The following RBFOX1 variants were observed in gnomAD, a reference collection of about 807,000 sequenced individuals.
RBFOX1 encodes RNA binding protein fox-1 homolog 1.
In RBFOX1, 8 loss-of-function variants were observed where a neutral mutation model predicts 57.7. The ratio of observed to expected loss-of-function variants is 0.14; its 90% CI spans 0.08 to 0.25. The LOEUF (loss-of-function observed/expected upper bound fraction) is 0.25, where lower values mean the gene tolerates loss of function less well. Among genes scored for constraint, RBFOX1 ranks in the 10% least tolerant of loss-of-function variants. The pLI is 1.00. For synonymous variants in RBFOX1, 326 were observed against 222.4 expected, an observed-to-expected ratio of 1.47 and a Z score of -4.15; for missense variants, 611 against 548.5, an observed-to-expected ratio of 1.11 and a Z score of -1.14.
chr16:7,260,720 G>A (rs538641083), intron 4 of RBFOX1, among the ~76,000 whole-genome samples: 6 of 152,210 alleles, frequency 3.9e-5, no homozygotes, highest in African/African-American at 1.2e-4. Context: ...CAATCCTGAA[G>A]GAGTCCAAAG....
chr16:6,045,605 A>G lies in RBFOX1; in HGVS notation c.-127+25613A>G, dbSNP rs117181520. 9.7e-3 allele frequency among the ~76,000 whole-genome samples: 1,480 copies of G among 152,336 alleles called. 9 individuals carry two copies. Among genetic ancestry groups the G allele is most frequent in the Non-Finnish European group, 0.015 (1,016 of 68,032 alleles). ...TCTTTTCGGTGCTGAGAATAAATCA[A>G]TGACAAAGATAAATGAGGTTCTTGA... On this transcript the variant is annotated intron_variant, in intron 1 of 15. Coordinates refer to ENST00000550418, the MANE Select transcript of RBFOX1 (RefSeq NM_018723.4).
chr16:6,868,561 T>C (rs1567637731), intron 3 of RBFOX1, among the ~76,000 whole-genome samples: 1 of 152,222 alleles, frequency 6.6e-6, no homozygotes, highest in Non-Finnish European at 1.5e-5. Flanking sequence ...AACCTCTGCT[T>C]CCTGGGTTCA....
intron 3 of RBFOX1, among the ~76,000 whole-genome samples, chr16:6,972,267 C>A (rs142691502): frequency 6.6e-6 from 1 of 152,052 alleles, no homozygotes; most frequent in African/African-American, 2.4e-5. Context: ...CTCTCCCCAG[C>A]CCCTGGTAAC....
intron 4 of RBFOX1, among the ~76,000 whole-genome samples, chr16:5,970,474 A>C (rs977618894): frequency 1.2e-4 from 19 of 152,274 alleles, no homozygotes; most frequent in African/African-American, 4.3e-4. Flanking sequence ...TCTGCTACAC[A>C]TAAGGAACAT....
intron 3 of RBFOX1, among the ~76,000 whole-genome samples, chr16:5,859,932 C>G (rs1366533919): frequency 2.0e-5 from 3 of 152,162 alleles, no homozygotes; most frequent in Admixed American, 6.5e-5. Flanking sequence ...GCACATTGGT[C>G]AGGAAGACTG....
intron 1 of RBFOX1, among the ~76,000 whole-genome samples, chr16:5,254,687 A>G (rs2062540592): frequency 6.6e-6 from 1 of 152,094 alleles, no homozygotes; most frequent in South Asian, 2.1e-4. Context: ...CTTGTTCTGG[A>G]TTTTGTCAAC....
rs566622065 is a variant in RBFOX1, at chr16:6,101,242, A to G, written c.-127+81250A>G. On this transcript the variant is annotated intron_variant, in intron 1 of 15. Transcript: ENST00000550418. ...CTCACTTTCCCCTTCTCTGTCCTCAAAACAGCATGCACCTTCAGTGGGTGT... is the reference window on the plus strand; with the variant it reads ...CTCACTTTCCCCTTCTCTGTCCTCAGAACAGCATGCACCTTCAGTGGGTGT... Among the ~76,000 whole-genome samples the G allele has an allele frequency of 2.0e-5, 3 of 152,304 alleles. No individual in the cohort carries two copies. The East Asian group carries it at 5.8e-4, about 29-fold the overall frequency.
At chr16:6,518,771 C>T (rs1349867494) in intron 2 of RBFOX1, among the ~76,000 whole-genome samples, 3 of 149,326 alleles carry the variant, frequency 2.0e-5, no homozygotes, top group Non-Finnish European at 4.4e-5. Flanking sequence ...ATCTATCTAT[C>T]CATCTGTCTG....
chr16:7,686,883 C>G lies in RBFOX1; in HGVS notation c.995+10045C>G, dbSNP rs183052820. On this transcript the variant is annotated intron_variant, in intron 14 of 15. Coordinates refer to ENST00000550418, the MANE Select transcript of RBFOX1 (RefSeq NM_018723.4). ...GACAAAAGGGAACTGTTCAAGGTCT[C>G]CAAGTAATGGAGATGAACTTGGGTT... Among the ~76,000 whole-genome samples the G allele has an allele frequency of 3.9e-5, 6 of 152,148 alleles. No homozygotes were observed. In the East Asian group the frequency reaches 1.2e-3, roughly 30 times the overall value.
At chr16:7,561,289 G>A (rs1206202078) in intron 5 of RBFOX1, among the ~76,000 whole-genome samples, 1 of 152,182 alleles carries the variant, frequency 6.6e-6, no homozygotes, top group Non-Finnish European at 1.5e-5. Context: ...TTTATGTACA[G>A]CATGGCTTAT....
At chr16:6,288,477 T>G (rs2077119265) in intron 1 of RBFOX1, among the ~76,000 whole-genome samples, 1 of 152,188 alleles carries the variant, frequency 6.6e-6, no homozygotes, top group South Asian at 2.1e-4. Context: ...ATAAGGTCCA[T>G]GCATCATACA....
chr16:6,475,049 C>T (rs117585926), intron 2 of RBFOX1, among the ~76,000 whole-genome samples: 1 of 152,144 alleles, frequency 6.6e-6, no homozygotes, highest in Non-Finnish European at 1.5e-5. Flanking sequence ...AGTAACATCC[C>T]AATTGTGTGC....
At chr16:5,272,268 A>G (rs1047455138) in intron 1 of RBFOX1, among the ~76,000 whole-genome samples, 4 of 152,264 alleles carry the variant, frequency 2.6e-5, no homozygotes, top group Admixed American at 6.5e-5. Flanking sequence ...GGACATGTTA[A>G]TTAGTTTGAT....
At chr16:7,516,987 G>A (rs1303645453) in intron 4 of RBFOX1, among the ~76,000 whole-genome samples, 2 of 152,088 alleles carry the variant, frequency 1.3e-5, no homozygotes, top group African/African-American at 4.8e-5. Flanking sequence ...GAGGGCCAAA[G>A]TCACATCTAA....
At chr16:6,899,703 C>T (rs2067972106) in intron 3 of RBFOX1, among the ~76,000 whole-genome samples, 2 of 152,200 alleles carry the variant, frequency 1.3e-5, no homozygotes, top group African/African-American at 2.4e-5. Context: ...ATTTTCTCGC[C>T]CATGGAGGCT....
At chr16:7,528,359 A>C (rs1264259370) in intron 5 of RBFOX1, among the ~76,000 whole-genome samples, 6 of 152,218 alleles carry the variant, frequency 3.9e-5, no homozygotes, top group Non-Finnish European at 5.9e-5. Flanking sequence ...AGGTCCTTCA[A>C]ACACCCAAAT....
chr16:7,304,073 T>G, intron 4 of RBFOX1: 1 of 405,926 alleles, frequency 2.5e-6, no homozygotes, highest in Non-Finnish European at 3.3e-6. Flanking sequence ...AGTTTCCAGG[T>G]CCCCGCAAGT....
chr16:7,269,913 C>T (rs1413731730), intron 4 of RBFOX1, among the ~76,000 whole-genome samples: 1 of 152,146 alleles, frequency 6.6e-6, no homozygotes, highest in Non-Finnish European at 1.5e-5. Flanking sequence ...TAGTCATTAC[C>T]AACATTATTT....
chr16:5,427,464 A>G (rs1336019260), intron 1 of RBFOX1, among the ~76,000 whole-genome samples: 3 of 152,160 alleles, frequency 2.0e-5, no homozygotes, highest in Non-Finnish European at 4.4e-5. Context: ...ACGTGCCTGT[A>G]ACCCCAGCTA....
Sources: allele counts gnomAD v4.1 joint callset (sites outside exome capture counted in the v4.1 genomes callset), GRCh38; gene constraint gnomAD v4.1.1; transcripts MANE v1.5; gene names NCBI Gene and HGNC (gene_info 2026-07-23, HGNC 2026-07-21).